PARD3B: variants seen among roughly 807,000 people sequenced by gnomAD.
PARD3B encodes partitioning defective 3 homolog B.
A neutral mutation model predicts 130.2 loss-of-function variants in PARD3B; 103 were observed. The observed-to-expected ratio is 0.79, with a 90% CI of 0.67 to 0.93. PARD3B has a LOEUF of 0.93. Among genes scored for constraint, PARD3B ranks in the 40% least tolerant of loss-of-function variants. The pLI is 0.00. For missense variants in PARD3B, 1,609 were observed against 1,499.2 expected, an observed-to-expected ratio of 1.07 and a Z score of -1.21; for synonymous variants, 583 against 553.2, an observed-to-expected ratio of 1.05 and a Z score of -0.76.
At chr2:204,730,585 GA>G (rs201459754) in intron 2 of PARD3B, among the ~76,000 whole-genome samples, 2,811 of 134,644 alleles carry the variant, frequency 0.021, 33 homozygotes, top group Middle Eastern at 0.047. Flanking sequence ...AAAAAAAAAA[GA>G]AAAAAAAAAA....
chr2:205,364,540 T>C (rs2044525917), intron 18 of PARD3B, among the ~76,000 whole-genome samples: 1 of 152,220 alleles, frequency 6.6e-6, no homozygotes, highest in African/African-American at 2.4e-5. Context: ...CTCCATCTTT[T>C]ATTTGTGTGG....
intron 2 of PARD3B, among the ~76,000 whole-genome samples, chr2:204,884,888 T>A (rs2046216243): frequency 6.6e-6 from 1 of 152,200 alleles, no homozygotes; most frequent in South Asian, 2.1e-4. Context: ...TTGATGAGCA[T>A]TTGAGTTGAT....
At chr2:204,998,348 A>ATG (rs1694454244) in intron 3 of PARD3B, among the ~76,000 whole-genome samples, 3 of 78,404 alleles carry the variant, frequency 3.8e-5, no homozygotes, top group South Asian at 6.7e-4. Context: ...ATATATATAT[A>ATG]TATATATATA....
chr2:204,743,077 A>G (rs887952806), intron 2 of PARD3B, among the ~76,000 whole-genome samples: 1 of 152,146 alleles, frequency 6.6e-6, no homozygotes, highest in South Asian at 2.1e-4. Context: ...TTGGAATAGT[A>G]ATTTAGTTAT....
intron 21 of PARD3B, among the ~76,000 whole-genome samples, chr2:205,510,815 TA>T (rs1370813611): frequency 6.6e-6 from 1 of 152,222 alleles, no homozygotes; most frequent in African/African-American, 2.4e-5. Flanking sequence ...AGATCGTTAA[TA>T]AAAATGGCAT....
intron 2 of PARD3B, among the ~76,000 whole-genome samples, chr2:204,903,745 T>G (rs1170575259): frequency 6.6e-6 from 1 of 152,230 alleles, no homozygotes; most frequent in Non-Finnish European, 1.5e-5. Context: ...AGTGTCCTTT[T>G]ATATGTAAAT....
At chr2:205,290,100 A>G (rs1399078092) in intron 16 of PARD3B, among the ~76,000 whole-genome samples, 2 of 152,220 alleles carry the variant, frequency 1.3e-5, no homozygotes, top group Admixed American at 6.5e-5. Flanking sequence ...CAGAGATGCA[A>G]TTAATTAGCT....
intron 21 of PARD3B, among the ~76,000 whole-genome samples, chr2:205,544,379 TC>T (rs2052295627): frequency 6.6e-6 from 1 of 152,160 alleles, no homozygotes; most frequent in Non-Finnish European, 1.5e-5. Context: ...GATGTCTGGC[TC>T]TTTAATTAAA....
intron 22 of PARD3B, among the ~76,000 whole-genome samples, chr2:205,579,240 G>A (rs965880925): frequency 3.3e-5 from 5 of 152,088 alleles, no homozygotes; most frequent in African/African-American, 4.8e-5. Context: ...AGGAATGTCC[G>A]AGTTAAAGAA....
intron 18 of PARD3B, among the ~76,000 whole-genome samples, chr2:205,331,607 C>G (rs1469999973): frequency 6.6e-6 from 1 of 151,514 alleles, no homozygotes; most frequent in African/African-American, 2.4e-5. Context: ...CATGACAAAA[C>G]CCCATCTCTA....
At chr2:205,037,467 C>A (rs1374115484) in intron 3 of PARD3B, among the ~76,000 whole-genome samples, 1 of 145,368 alleles carries the variant, frequency 6.9e-6, no homozygotes, top group African/African-American at 2.5e-5. Flanking sequence ...GGACTATATG[C>A]ATAAAATATA....
At chr2:205,083,731 G>A (rs1701575050) in intron 4 of PARD3B, among the ~76,000 whole-genome samples, 2 of 149,130 alleles carry the variant, frequency 1.3e-5, no homozygotes, top group Non-Finnish European at 3.0e-5. Flanking sequence ...ATTTCTTTAG[G>A]CTTATTTTTT....
At chr2:205,483,463 A>G (rs2106296099) in intron 20 of PARD3B, among the ~76,000 whole-genome samples, 2 of 152,346 alleles carry the variant, frequency 1.3e-5, no homozygotes, top group East Asian at 3.9e-4. Flanking sequence ...GATAAATTAC[A>G]TTCATATTTT....
intron 2 of PARD3B, among the ~76,000 whole-genome samples, chr2:204,936,855 A>T (rs1463524606): frequency 1.3e-5 from 2 of 152,272 alleles, no homozygotes; most frequent in African/African-American, 2.4e-5. Context: ...CCGATGCAGC[A>T]ACTGGTGTAA....
At chr2:204,966,387 T>A (rs1691254248) in intron 3 of PARD3B, among the ~76,000 whole-genome samples, 1 of 152,214 alleles carries the variant, frequency 6.6e-6, no homozygotes, top group African/African-American at 2.4e-5. Context: ...GGAACGTGGC[T>A]GCTGGAGGGC....
At chr2:204,892,000 A>G (rs1449359207) in intron 2 of PARD3B, among the ~76,000 whole-genome samples, 1 of 152,194 alleles carries the variant, frequency 6.6e-6, no homozygotes, top group African/African-American at 2.4e-5. Context: ...TTTAACACAT[A>G]TGTATTGAGT....
In PARD3B at chr2:204,678,850, C is replaced by T. The variant is rs953246059; in HGVS notation, c.121-7331C>T. Among the ~76,000 whole-genome samples the T allele has an allele frequency of 2.6e-5, 4 of 152,088 alleles. No homozygotes were observed. Among genetic ancestry groups the T allele is most frequent in the East Asian group, 1.9e-4 (1 of 5,186 alleles). ...GTGGGTTCTTTGCCAGGGAGCTGCC[C>T]TCTTCTATCCAGTATTTCCCTGCCT... On this transcript the variant is annotated intron_variant, in intron 1 of 22. Coordinates refer to ENST00000406610, the MANE Select transcript of PARD3B (RefSeq NM_001302769.2). This position sits in a 1 kb window ranked among gnomAD's most constrained non-coding sequence, Gnocchi z 4.2.
At chr2:204,999,148 GT>G (rs1015107651) in intron 3 of PARD3B, among the ~76,000 whole-genome samples, 65 of 149,292 alleles carry the variant, frequency 4.4e-4, no homozygotes, top group African/African-American at 1.4e-3. Flanking sequence ...GTCTGTATCT[GT>G]TTTTAAGATC....
intron 2 of PARD3B, among the ~76,000 whole-genome samples, chr2:204,721,986 C>T (rs1323310712): frequency 6.6e-6 from 1 of 152,042 alleles, no homozygotes; most frequent in Admixed American, 6.6e-5. Flanking sequence ...AGTGCCTTGC[C>T]ACTGTGTCTG....
Sources: gnomAD v4.1 joint callset for allele counts (sites outside exome capture counted in the v4.1 genomes callset) on GRCh38, gnomAD v4.1.1 for gene constraint, Gnocchi (gnomAD v3.1) non-coding constraint, MANE v1.5 for transcripts, NCBI Gene and HGNC (gene_info 2026-07-23, HGNC 2026-07-21) for gene names.